The following EPG5 variants were observed in gnomAD, a reference collection of about 807,000 sequenced individuals.
EPG5 encodes the protein ectopic P granules protein 5 homolog.
A neutral mutation model predicts 302.7 loss-of-function variants in EPG5; 159 were observed. The ratio of observed to expected loss-of-function variants is 0.53; its 90% CI spans 0.46 to 0.60. The LOEUF is 0.60. Ranked by LOEUF, EPG5 falls within the 20% of genes least tolerant of loss-of-function variation. The pLI, the probability that EPG5 is intolerant of heterozygous loss-of-function variation, is 0.00. For missense variants in EPG5, 2,896 were observed against 3,092.4 expected, an observed-to-expected ratio of 0.94 and a Z score of 1.51; for synonymous variants, 1,158 against 1,136.8, an observed-to-expected ratio of 1.02 and a Z score of -0.37.
Position 45,932,638 on chromosome 18 carries a change from T to C in EPG5, c.2258-1808A>G, listed in dbSNP as rs57877872. ...ATAAAAATCAAGCCTCCTAACAAAA[T>C]TGATATATAAAAGATTAAGCAAAGG... On this transcript the variant is annotated intron_variant, in intron 11 of 43. Transcript: ENST00000282041. 3.4e-3 allele frequency among the ~76,000 whole-genome samples: 517 copies of C among 152,178 alleles called. 1 individual carries two copies. Among genetic ancestry groups the C allele is most frequent in the African/African-American group, 0.012 (478 of 41,524 alleles).
rs370915205 is a variant in EPG5 at position 45,919,576 on chromosome 18, A to C, written c.3099-1757T>G. Reference sequence around the variant, plus strand: ...CGCCCAGGCTGGAGTGCAGTGGCGCAATCTCGGCTCACTGCAAGCTCCGCC... The same window carrying C: ...CGCCCAGGCTGGAGTGCAGTGGCGCCATCTCGGCTCACTGCAAGCTCCGCC... On this transcript the variant is annotated intron_variant, in intron 16 of 43. Coordinates refer to ENST00000282041, the MANE Select transcript of EPG5 (RefSeq NM_020964.3). 9.1e-3 allele frequency among the ~76,000 whole-genome samples: 1,349 copies of C among 149,030 alleles called. 16 individuals carry two copies. The highest frequency in any genetic ancestry group is 0.032 in the African/African-American group (1,300 of 40,116).
At chr18:45,888,107 T>G (rs1297001460) in intron 28 of EPG5, among the ~76,000 whole-genome samples, 200 bp from the exon 29 acceptor site, 1 of 152,010 alleles carries the variant, frequency 6.6e-6, no homozygotes, top group African/African-American at 2.4e-5. Flanking sequence ...CTTTTTTTTT[T>G]TCTTTTTGGG....
chr18:45,874,541 C>A (rs996685530), intron 35 of EPG5, among the ~76,000 whole-genome samples: 9 of 152,152 alleles, frequency 5.9e-5, no homozygotes, highest in African/African-American at 2.2e-4. Flanking sequence ...AAAGGCATGT[C>A]TTACATGGCA....
intron 27 of EPG5, among the ~76,000 whole-genome samples, chr18:45,898,489 T>C (rs190352492): frequency 2.0e-5 from 3 of 152,260 alleles, no homozygotes; most frequent in African/African-American, 7.2e-5. Context: ...GCATACCATA[T>C]TGCAGATCCA....
chr18:45,954,306 G>A (rs2050974991), intron 2 of EPG5, 88 bp downstream of exon 2: 7 of 1,211,120 alleles, frequency 5.8e-6, no homozygotes, highest in Non-Finnish European at 8.2e-6. Context: ...CAGGGTCAGA[G>A]TGGGTGTAAG....
chr18:45,888,988 T>A (rs903248685), intron 28 of EPG5, among the ~76,000 whole-genome samples: 1 of 152,188 alleles, frequency 6.6e-6, no homozygotes, highest in Non-Finnish European at 1.5e-5. Flanking sequence ...GATCCTAGAA[T>A]AAAGATAGCC....
At position 45,952,666 on chromosome 18, in the gene EPG5, A is replaced by C. The variant is rs1223811933; in HGVS notation, c.1009-23T>G. ...ACCCTACCAGAGGACAAAAAGGTAC[A>C]ATATGAAACCAGTTACTCTTTCCAT... On this transcript the variant is annotated intron_variant, in intron 2 of 43. Coordinates refer to ENST00000282041, the MANE Select transcript of EPG5 (RefSeq NM_020964.3). 3 of 1,611,322 alleles carry C rather than the reference A, an allele frequency of 1.9e-6. No individual in the cohort carries two copies. The African/African-American group carries it at 4.0e-5, about 22-fold the overall frequency.
the EPG5 span, chr18:45,838,791 A>G: frequency 6.4e-7 from 1 of 1,563,116 alleles, no homozygotes; most frequent in Middle Eastern, 1.7e-4. Context: ...GCACTGCCGA[A>G]GGGGAGCCGC....
At chr18:45,949,768 C>T (rs1190421434) in intron 4 of EPG5, among the ~76,000 whole-genome samples, 177 bp from the exon 5 acceptor site, 2 of 152,214 alleles carry the variant, frequency 1.3e-5, no homozygotes, top group Non-Finnish European at 2.9e-5. Context: ...TCTATGAGTA[C>T]TATGATAACA....
chr18:45,954,905 G>A lies in EPG5; in HGVS notation c.497C>T (p.Ala166Val). The stretch of plus-strand genomic sequence containing the variant: ...TTCTCTGACTTGTATATTTTCCATT[G>A]CTGGCTGAGTATAAGAAAAATTAGA... ...PQSNFSYTQPAMENIQVRETQ... is the reference protein window; with the variant it reads ...PQSNFSYTQPVMENIQVRETQ... Residue 166 changes from alanine (A) to valine (V), a missense_variant, in exon 2 of 44, where the codon GCA (alanine) becomes GTA (valine). This residue lies in a region of EPG5 where 1,390 missense variants were observed against 1,430.0 expected (regional missense o/e 0.97). Transcript: ENST00000282041. 6.2e-7 allele frequency: 1 copy of A among 1,613,678 alleles called. No homozygotes were observed. The highest frequency in any genetic ancestry group is 1.7e-5 in the Admixed American group (1 of 59,920).
chr18:45,825,009 T>C, the EPG5 span, among the ~76,000 whole-genome samples: 2 of 151,892 alleles, frequency 1.3e-5, no homozygotes, highest in African/African-American at 2.4e-5. Context: ...CAGGTCACTG[T>C]CTAAGGGAGA....
chr18:45,859,635 C>A (rs368712722), intron 40 of EPG5, among the ~76,000 whole-genome samples: 7 of 152,136 alleles, frequency 4.6e-5, no homozygotes, highest in African/African-American at 1.7e-4. Context: ...AATGAATGAG[C>A]CCTTCATAAT....
At position 45,908,000 on chromosome 18, in the gene EPG5, A is replaced by C; in HGVS notation, c.4287T>G (p.His1429Gln). Residue 1429 changes from histidine (H) to glutamine (Q), a missense_variant, in exon 24 of 44, where the codon CAT becomes CAG. Physicochemically the swap from His to Gln is conservative, Grantham distance 24. Around this residue, in one of 5 missense-constraint regions of EPG5, gnomAD observed 790 missense variants for 798.0 expected, o/e 0.99. Coordinates refer to ENST00000282041, the MANE Select transcript of EPG5 (RefSeq NM_020964.3). ...CTTTTGCTAGCCTGTGAATATCATA[A>C]TGCTTTGGTAGAGAAGGGATATAGG... ...GDTYIPSLPKHYDIHRLAKVM... is the reference protein window; with the variant it reads ...GDTYIPSLPKQYDIHRLAKVM... The C allele has an allele frequency of 6.3e-7, 1 of 1,598,852 alleles. No individual in the cohort carries two copies. Among genetic ancestry groups the C allele is most frequent in the Non-Finnish European group, 8.5e-7 (1 of 1,175,754 alleles).
chr18:45,901,790 C>CACACACACAT (rs1555671712), intron 25 of EPG5, among the ~76,000 whole-genome samples: 1 of 151,452 alleles, frequency 6.6e-6, no homozygotes, highest in Non-Finnish European at 1.5e-5. Context: ...CACACACACA[C>CACACACACAT]ACACACAAAG....
At chr18:45,816,465 C>T in the EPG5 span, among the ~76,000 whole-genome samples, 1 of 151,932 alleles carries the variant, frequency 6.6e-6, no homozygotes, top group African/African-American at 2.4e-5. Flanking sequence ...AAAAAGTGGG[C>T]TAGGGACATA....
At chr18:45,943,576 G>C (rs986406182) in intron 8 of EPG5, among the ~76,000 whole-genome samples, 1 of 152,134 alleles carries the variant, frequency 6.6e-6, no homozygotes, top group East Asian at 1.9e-4. Context: ...ACAAGCACAA[G>C]AGGAGCCTAG....
At chr18:45,825,907 G>A in the EPG5 span, 63 of 1,123,832 alleles carry the variant, frequency 5.6e-5, no homozygotes, top group Admixed American at 1.2e-3. Flanking sequence ...GGAGGAGGAA[G>A]AGCTGCGCTT....
chr18:45,819,276 GT>G, the EPG5 span, among the ~76,000 whole-genome samples: 1 of 152,172 alleles, frequency 6.6e-6, no homozygotes, highest in South Asian at 2.1e-4. Flanking sequence ...TATTCAAATA[GT>G]TTTCCCAGTA....
At chr18:45,825,858 G>A in the EPG5 span, 54 of 1,558,186 alleles carry the variant, frequency 3.5e-5, no homozygotes, top group South Asian at 4.4e-4. Flanking sequence ...AGTCTCCCCT[G>A]GAAGGCAGGA....
Sources: allele counts gnomAD v4.1 joint callset (sites outside exome capture counted in the v4.1 genomes callset), GRCh38; gene constraint gnomAD v4.1.1; regional missense constraint gnomAD v4.1.1; transcripts MANE v1.5; gene names NCBI Gene and HGNC (gene_info 2026-07-23, HGNC 2026-07-21).